CSNK1G1: variants seen among roughly 807,000 people sequenced by gnomAD.
The protein encoded by CSNK1G1 is casein kinase I isoform gamma-1.
In CSNK1G1, 22 loss-of-function variants were observed where a neutral mutation model predicts 59.6. The observed-to-expected ratio is 0.37, with a 90% CI of 0.26 to 0.53. The LOEUF is 0.53. Among genes scored for constraint, CSNK1G1 ranks in the 20% least tolerant of loss-of-function variants. The pLI is 0.89. For synonymous variants in CSNK1G1, 179 were observed against 177.1 expected (o/e 1.01, Z -0.08); for missense variants, 384 against 519.5 (o/e 0.74, Z 2.54).
intron 2 of CSNK1G1, among the ~76,000 whole-genome samples, chr15:64,269,198 C>A (rs1258249790): frequency 6.6e-6 from 1 of 152,154 alleles, no homozygotes; most frequent in East Asian, 1.9e-4. Context: ...TTTTTGTGAT[C>A]AGAAGTATGC....
intron 1 of CSNK1G1, among the ~76,000 whole-genome samples, chr15:64,328,873 C>A (rs1001070233): frequency 9.8e-6 from 1 of 102,068 alleles, no homozygotes; most frequent in Non-Finnish European, 1.9e-5. Flanking sequence ...GGGTTGCAAT[C>A]CTAGTCTCTG....
chr15:64,261,193 C>T (rs969698191), intron 2 of CSNK1G1, among the ~76,000 whole-genome samples: 4 of 152,036 alleles, frequency 2.6e-5, no homozygotes, highest in Non-Finnish European at 5.9e-5. Context: ...ATTCCCAGGC[C>T]GATTAAAACT....
rs1332438646 is a variant in CSNK1G1, at chr15:64,292,879, T to C, written c.181+7440A>G. ...GGAGGCAGAGGTTGCAGTGAGCCAA[T>C]ATCGCGCCACTGCACTCCAGCCTGG... is the stretch of plus-strand genomic sequence containing the variant. On this transcript the variant is annotated intron_variant, in intron 2 of 11. Coordinates refer to ENST00000303052, the MANE Select transcript of CSNK1G1 (RefSeq NM_022048.5). 2.6e-5 allele frequency among the ~76,000 whole-genome samples: 4 copies of C among 151,830 alleles called. No homozygotes were observed. The East Asian group carries it at 7.7e-4, about 29-fold the overall frequency.
At chr15:64,326,807 G>A (rs1473700287) in intron 1 of CSNK1G1, among the ~76,000 whole-genome samples, 9 of 151,096 alleles carry the variant, frequency 6.0e-5, no homozygotes, top group Non-Finnish European at 1.3e-4. Context: ...GCGCAGGCCA[G>A]TGGGTGCGCG....
At chr15:64,319,807 AC>A (rs1896464157) in intron 1 of CSNK1G1, among the ~76,000 whole-genome samples, 1 of 150,740 alleles carries the variant, frequency 6.6e-6, no homozygotes, top group Non-Finnish European at 1.5e-5. Context: ...ATCATGCTTC[AC>A]CCCCTGTATT....
intron 11 of CSNK1G1, among the ~76,000 whole-genome samples, chr15:64,178,808 G>C (rs535441831): frequency 6.6e-6 from 1 of 151,912 alleles, no homozygotes; most frequent in South Asian, 2.1e-4. Context: ...GTGTGTGACA[G>C]GGTCGCACCT....
intron 4 of CSNK1G1, among the ~76,000 whole-genome samples, chr15:64,238,521 ATATAT>A (rs1566914369): frequency 3.4e-5 from 4 of 117,474 alleles, no homozygotes; most frequent in Non-Finnish European, 5.1e-5. Context: ...AAAAAAAAAT[ATATAT>A]ATATATATAT....
intron 4 of CSNK1G1, among the ~76,000 whole-genome samples, chr15:64,249,798 G>A (rs1469672027): frequency 6.6e-6 from 1 of 152,182 alleles, no homozygotes; most frequent in African/African-American, 2.4e-5. Flanking sequence ...TTTGGGAAGA[G>A]TACCAACCCA....
At position 64,223,087 on chromosome 15, in the gene CSNK1G1, T is replaced by C. The variant is rs146428041; in HGVS notation, c.293-6374A>G. ...TACAGAAAGCTCCCCATGCAAGTTC[T>C]ACTCTGAGCCTGGTTTTTCGCAGGA... On this transcript the variant is annotated intron_variant, in intron 4 of 11. Coordinates refer to ENST00000303052, the MANE Select transcript of CSNK1G1 (RefSeq NM_022048.5). 2.0e-5 allele frequency among the ~76,000 whole-genome samples: 3 copies of C among 152,342 alleles called. No homozygotes were observed. The East Asian group carries it at 5.8e-4, about 29-fold the overall frequency.
At chr15:64,289,058 C>T (rs957942722) in intron 2 of CSNK1G1, among the ~76,000 whole-genome samples, 12 of 151,824 alleles carry the variant, frequency 7.9e-5, no homozygotes, top group Non-Finnish European at 1.6e-4. Context: ...GCCTGTAACC[C>T]CAGCCACTCC....
chr15:64,269,067 CA>C (rs141806119), intron 2 of CSNK1G1, among the ~76,000 whole-genome samples: 6,709 of 148,740 alleles, frequency 0.045, 193 homozygotes, highest in South Asian at 0.086. Flanking sequence ...ACTGATTCAC[CA>C]AAAAAAAAGG....
At chr15:64,213,218 T>C (rs144461113) in intron 6 of CSNK1G1, among the ~76,000 whole-genome samples, 46 of 152,170 alleles carry the variant, frequency 3.0e-4, no homozygotes, top group African/African-American at 9.9e-4. Context: ...ATATGAAACA[T>C]AAAAAAGGGA....
chr15:64,355,615 G>T (rs1246055136), intron 1 of CSNK1G1, among the ~76,000 whole-genome samples: 1 of 151,908 alleles, frequency 6.6e-6, no homozygotes, highest in Non-Finnish European at 1.5e-5. Flanking sequence ...GGCAATGGAA[G>T]CACGGGATAG....
At chr15:64,206,104 G>A (rs111986716) in intron 7 of CSNK1G1, among the ~76,000 whole-genome samples, 6,736 of 152,242 alleles carry the variant, frequency 0.044, 196 homozygotes, top group South Asian at 0.085. Context: ...TCAGGAGCTC[G>A]AGACCAGCCT....
chr15:64,267,909 G>T (rs1368389160), intron 2 of CSNK1G1, among the ~76,000 whole-genome samples: 4 of 152,032 alleles, frequency 2.6e-5, no homozygotes, highest in Non-Finnish European at 5.9e-5. Context: ...GAGCCCAGGA[G>T]TTCAAGACCA....
chr15:64,243,039 T>TA (rs1052182950), intron 4 of CSNK1G1, among the ~76,000 whole-genome samples: 6 of 151,244 alleles, frequency 4.0e-5, no homozygotes, highest in South Asian at 2.1e-4. Flanking sequence ...CCTTCATGAT[T>TA]AAAAAAAAAT....
At chr15:64,293,059 C>G (rs988399236) in intron 2 of CSNK1G1, among the ~76,000 whole-genome samples, 1 of 152,116 alleles carries the variant, frequency 6.6e-6, no homozygotes, top group South Asian at 2.1e-4. Flanking sequence ...TTAATGTTTA[C>G]ATGATTCTTT....
chr15:64,175,257 T>G (rs1380696697), intron 11 of CSNK1G1, among the ~76,000 whole-genome samples: 1 of 152,166 alleles, frequency 6.6e-6, no homozygotes, highest in African/African-American at 2.4e-5. Flanking sequence ...GAAGCCCCTG[T>G]AGGCAATCTG....
intron 2 of CSNK1G1, among the ~76,000 whole-genome samples, chr15:64,295,606 A>G (rs1216280863): frequency 1.3e-5 from 2 of 152,246 alleles, no homozygotes; most frequent in African/African-American, 4.8e-5. Flanking sequence ...TTAGAATATG[A>G]GGACTAAAAA....
Sources: allele counts gnomAD v4.1 joint callset (sites outside exome capture counted in the v4.1 genomes callset), GRCh38; gene constraint gnomAD v4.1.1; transcripts MANE v1.5; gene names NCBI Gene and HGNC (gene_info 2026-07-23, HGNC 2026-07-21).